SDAD1: variants seen among roughly 807,000 people sequenced by gnomAD.
SDAD1 encodes the protein protein SDA1 homolog.
Under a neutral mutation model 100.3 loss-of-function variants are expected in SDAD1, and 79 were observed. The ratio of observed to expected loss-of-function variants is 0.79; its 90% CI spans 0.66 to 0.95. SDAD1 has a LOEUF of 0.95. SDAD1 is among the 40% of genes least tolerant of loss of function. The pLI, the probability that SDAD1 is intolerant of heterozygous loss-of-function variation, is 0.00. For missense variants in SDAD1, 790 were observed against 810.9 expected, an observed-to-expected ratio of 0.97 and a Z score of 0.31; for synonymous variants, 267 against 271.4, an observed-to-expected ratio of 0.98 and a Z score of 0.16.
chr4:75,976,172 G>A (rs1045187809), intron 4 of SDAD1, among the ~76,000 whole-genome samples, 177 bp from the exon 5 acceptor site: 7 of 152,152 alleles, frequency 4.6e-5, no homozygotes, highest in Non-Finnish European at 1.0e-4. Flanking sequence ...GCAAAGCAAA[G>A]TTGTCCTCAA....
At chr4:75,973,477 A>C in intron 7 of SDAD1, 86 bp from the exon 8 acceptor site, 1 of 892,048 alleles carries the variant, frequency 1.1e-6, no homozygotes. Context: ...ATACATGTGC[A>C]TGAACTAAGA....
chr4:75,987,750 C>A (rs540091006), intron 1 of SDAD1, among the ~76,000 whole-genome samples: 26 of 152,294 alleles, frequency 1.7e-4, no homozygotes, highest in African/African-American at 6.3e-4. Context: ...GATTCACCCA[C>A]CTTGGCCTCC....
chr4:75,976,410 G>A (rs975573488), intron 4 of SDAD1, among the ~76,000 whole-genome samples: 1 of 152,146 alleles, frequency 6.6e-6, no homozygotes, highest in African/African-American at 2.4e-5. Flanking sequence ...GTACTGATAC[G>A]TGCTACAACA....
intron 11 of SDAD1, among the ~76,000 whole-genome samples, chr4:75,968,839 G>A (rs1177128503): frequency 1.3e-5 from 2 of 151,912 alleles, no homozygotes; most frequent in African/African-American, 4.8e-5. Flanking sequence ...AGACCAGCCT[G>A]GCCAATATGG....
At chr4:75,970,992 A>G (rs961510946) in intron 9 of SDAD1, among the ~76,000 whole-genome samples, 1 of 152,218 alleles carries the variant, frequency 6.6e-6, no homozygotes, top group East Asian at 1.9e-4. Context: ...AAACAAACTA[A>G]TACAATTAAT....
intron 14 of SDAD1, 28 bp downstream of exon 14, chr4:75,964,107 C>A (rs2149315055): frequency 6.8e-7 from 1 of 1,464,322 alleles, no homozygotes; most frequent in Non-Finnish European, 9.6e-7. Flanking sequence ...AACAATGTAT[C>A]TTCTGCCTCC....
chr4:75,969,988 GTTT>G (rs72249104), intron 10 of SDAD1, among the ~76,000 whole-genome samples: 1 of 145,128 alleles, frequency 6.9e-6, no homozygotes, highest in African/African-American at 2.5e-5. Context: ...CACAGACTAG[GTTT>G]TTTTTTTTTT....
chr4:75,955,032 C>G (rs565542229), intron 21 of SDAD1, among the ~76,000 whole-genome samples: 178 of 152,284 alleles, frequency 1.2e-3, no homozygotes, highest in African/African-American at 4.2e-3. Flanking sequence ...TGTTTACAAC[C>G]AGTTTTTGCT....
intron 9 of SDAD1, 47 bp from the exon 10 acceptor site, chr4:75,970,425 T>C (rs1311496084): frequency 7.0e-6 from 10 of 1,431,236 alleles, no homozygotes; most frequent in Non-Finnish European, 9.8e-6. Context: ...ACAGTGATGA[T>C]GCTCTTAGAA....
At position 75,990,898 on chromosome 4, in the gene SDAD1, A is replaced by C. The variant is rs1371910356; in HGVS notation, c.-57T>G. 3 of 1,606,384 alleles carry C rather than the reference A, an allele frequency of 1.9e-6. No individual in the cohort carries two copies. The highest frequency in any genetic ancestry group is 2.6e-6 in the Non-Finnish European group (3 of 1,174,616). On this transcript the variant is annotated 5_prime_UTR_variant, in exon 1 of 22. Coordinates refer to ENST00000356260, the MANE Select transcript of SDAD1 (RefSeq NM_018115.4). ...TTTTAAAAAAACTCAGACGGCCGGC[A>C]CCCCGCAATCCCTGCCAGCTGCAGC...
In SDAD1 at chr4:75,974,135, TG is replaced by T; in HGVS notation, c.579-3del. 1 of 1,613,140 alleles carries T rather than the reference TG, an allele frequency of 6.2e-7. No individual in the cohort carries two copies. Among genetic ancestry groups the T allele is most frequent in the South Asian group, 1.1e-5 (1 of 91,054 alleles). On this transcript the variant is annotated splice_polypyrimidine_tract_variant and splice_region_variant and intron_variant, in intron 6 of 21. Transcript: ENST00000356260. Reference sequence around the variant, plus strand: ...ACATTGACAGTTTTTGCATCATTCCTGGGGGAAGACAATGAATGCTTTGAAG... The same window carrying T: ...ACATTGACAGTTTTTGCATCATTCCTGGGGAAGACAATGAATGCTTTGAAG...
rs2149337859 is a variant in SDAD1 at position 75,990,927 on chromosome 4, G to T, written c.-86C>A. On this transcript the variant is annotated 5_prime_UTR_variant, in exon 1 of 22. Coordinates refer to ENST00000356260, the MANE Select transcript of SDAD1 (RefSeq NM_018115.4). ...CGCAATCCCTGCCAGCTGCAGCTTG[G>T]ACTCGTGTTTCCGGGTATGACCGGA... 6.5e-7 allele frequency: 1 copy of T among 1,532,782 alleles called. No individual in the cohort carries two copies. Among genetic ancestry groups the T allele is most frequent in the Non-Finnish European group, 9.0e-7 (1 of 1,112,930 alleles). The allele number at this position is 1,532,782 out of a possible 1,614,324, so 94.9% of individuals were successfully genotyped here. A position where few individuals can be genotyped will look rare whatever the true frequency, so the allele number is the denominator to read the frequency against.
intron 14 of SDAD1, among the ~76,000 whole-genome samples, chr4:75,963,272 C>T (rs1729350972): frequency 6.6e-6 from 1 of 151,800 alleles, no homozygotes; most frequent in Non-Finnish European, 1.5e-5. Context: ...GGTACCAGTA[C>T]CATGCTGTTT....
chr4:75,959,519 G>A (rs757555212), intron 17 of SDAD1, among the ~76,000 whole-genome samples: 1 of 152,034 alleles, frequency 6.6e-6, no homozygotes, highest in Non-Finnish European at 1.5e-5. Flanking sequence ...CAGGAGGATC[G>A]CTTGAACCTG....
Position 75,964,208 on chromosome 4 carries a change from T to G in SDAD1, c.1108A>C (p.Ile370Leu). The change falls in exon 14 of 22, where the codon ATT becomes CTT. Residue 370 changes from isoleucine to leucine, a missense_variant. By Grantham distance (5) the Ile-to-Leu change is conservative (BLOSUM62 2). Coordinates refer to ENST00000356260, the MANE Select transcript of SDAD1 (RefSeq NM_018115.4). The part of the protein sequence containing the change: ...ASHHLVPPEI[I>L]QSLLMTVANN... ...GCCACAGTCATAAGCAATGATTGAATAATCTGAATTGGAAACAAAAAAGAG... is the reference window on the plus strand; with the variant it reads ...GCCACAGTCATAAGCAATGATTGAAGAATCTGAATTGGAAACAAAAAAGAG... 6.2e-7 allele frequency: 1 copy of G among 1,603,588 alleles called. No individual in the cohort carries two copies. Among genetic ancestry groups the G allele is most frequent in the Non-Finnish European group, 8.5e-7 (1 of 1,174,482 alleles).
chr4:75,954,569 G>A (rs1443262605), intron 21 of SDAD1, among the ~76,000 whole-genome samples: 1 of 152,054 alleles, frequency 6.6e-6, no homozygotes, highest in African/African-American at 2.4e-5. Flanking sequence ...GCTACTTGGA[G>A]GGCTGAGGTG....
At chr4:75,978,985 A>G (rs1000322121) in intron 3 of SDAD1, among the ~76,000 whole-genome samples, 1 of 92,808 alleles carries the variant, frequency 1.1e-5, no homozygotes, top group Non-Finnish European at 1.9e-5. Context: ...TGTCTCAGAA[A>G]AAAAAAAAAA....
At chr4:75,971,130 A>G (rs1729844414) in intron 9 of SDAD1, among the ~76,000 whole-genome samples, 1 of 152,252 alleles carries the variant, frequency 6.6e-6, no homozygotes, top group Admixed American at 6.5e-5. Flanking sequence ...CACCTTGATC[A>G]GAACAAGTAA....
Position 75,961,028 on chromosome 4 carries a change from C to T in SDAD1, c.1356G>A (p.Arg452=). 1 of 1,613,338 alleles carries T rather than the reference C, an allele frequency of 6.2e-7. No individual in the cohort carries two copies. Among genetic ancestry groups the T allele is most frequent in the Non-Finnish European group, 8.5e-7 (1 of 1,179,764 alleles). Residue 452 remains arginine, a splice_region_variant and synonymous_variant, in exon 16 of 22, where the codon CGG becomes CGA. Coordinates refer to ENST00000356260, the MANE Select transcript of SDAD1 (RefSeq NM_018115.4). ...LNPQMLQKKF[R]GKPTEASIEA... is the part of the protein sequence containing the mutation. ...ACCAACATAAGTGTGCTTTACCTACCCGGAATTTCTTCTGCAGCATCTGAG... is the reference window on the plus strand; with the variant it reads ...ACCAACATAAGTGTGCTTTACCTACTCGGAATTTCTTCTGCAGCATCTGAG...
Sources: allele counts gnomAD v4.1 joint callset (sites outside exome capture counted in the v4.1 genomes callset), GRCh38; gene constraint gnomAD v4.1.1; transcripts MANE v1.5; gene names NCBI Gene and HGNC (gene_info 2026-07-23, HGNC 2026-07-21).